Variants in MMP26 observed in about 807,000 individuals in gnomAD.
The protein encoded by MMP26 is matrix metalloproteinase-26.
A neutral mutation model predicts 31.0 loss-of-function variants in MMP26; 33 were observed. The observed-to-expected ratio is 1.06, with a 90% CI of 0.81 to 1.42. The LOEUF is 1.42. Among genes scored for constraint, MMP26 ranks in the 40% most tolerant of loss-of-function variants. The probability of loss-of-function intolerance (pLI) is 0.00; values close to 1 mark genes in which losing one functional copy is unlikely to be tolerated. For synonymous variants in MMP26, 122 were observed against 114.9 expected, an observed-to-expected ratio of 1.06 and a Z score of -0.40; for missense variants, 347 against 316.1, an observed-to-expected ratio of 1.10 and a Z score of -0.74.
At chr11:4,889,359 C>T (rs1850585405) in intron 2 of MMP26, among the ~76,000 whole-genome samples, 1 of 152,114 alleles carries the variant, frequency 6.6e-6, no homozygotes, top group Non-Finnish European at 1.5e-5. Context: ...AGTTGTTATG[C>T]TGTATTGTTC....
chr11:4,944,870 A>T (rs1479936190), intron 2 of MMP26: 3 of 152,158 alleles, frequency 2.0e-5, no homozygotes, highest in Non-Finnish European at 2.9e-5. Context: ...ACCTTGAAGA[A>T]ATATTACTGA....
rs1846325259 is a variant in MMP26 at position 4,947,140 on chromosome 11, T to C, written c.-144-40928T>C. On this transcript the variant is annotated intron_variant, in intron 2 of 7. Coordinates refer to ENST00000380390, the MANE Select transcript of MMP26 (RefSeq NM_021801.5). ...GCTCTGCTATGAAAAATACAGATGC[T>C]TGTGTTGGTAAAATAGGAATATCTG... 2 of 999,460 alleles carry C rather than the reference T, an allele frequency of 2.0e-6. 1 individual carries two copies. Among genetic ancestry groups the C allele is most frequent in the African/African-American group, 3.5e-5 (2 of 56,934 alleles). The allele number at this position is 999,460 out of a possible 1,614,324, so 61.9% of individuals were successfully genotyped here. A position where few individuals can be genotyped will look rare whatever the true frequency, so the allele number is the denominator to read the frequency against.
chr11:4,737,974 G>A (rs984645014), intron 1 of MMP26, among the ~76,000 whole-genome samples: 1 of 152,098 alleles, frequency 6.6e-6, no homozygotes, highest in Non-Finnish European at 1.5e-5. Flanking sequence ...TAGTCACCAT[G>A]CCCCACTATT....
chr11:4,827,743 GAAGA>G (rs1849596925), intron 2 of MMP26, among the ~76,000 whole-genome samples: 1 of 151,628 alleles, frequency 6.6e-6, no homozygotes, highest in Non-Finnish European at 1.5e-5. Context: ...GAAAAAAATA[GAAGA>G]AAGATAATAG....
intron 2 of MMP26, among the ~76,000 whole-genome samples, chr11:4,778,935 C>T (rs10836624): frequency 0.095 from 14,464 of 151,974 alleles, 739 homozygotes; most frequent in Middle Eastern, 0.14. Flanking sequence ...ATCCAGTTAT[C>T]TTGCTTAATA....
chr11:4,951,292 AT>A (rs1846371135), intron 2 of MMP26, among the ~76,000 whole-genome samples: 1 of 124,168 alleles, frequency 8.1e-6, no homozygotes, highest in African/African-American at 2.7e-5. Context: ...TTCAAATGGC[AT>A]ATTTCTGGGT....
At chr11:4,723,883 G>A in intron 1 of MMP26, 2 of 1,167,186 alleles carry the variant, frequency 1.7e-6, no homozygotes, top group Non-Finnish European at 2.6e-6. Context: ...GCTGTTGAGG[G>A]TCTTGATCTG....
chr11:4,761,464 G>T (rs948816179), intron 1 of MMP26, among the ~76,000 whole-genome samples: 2 of 152,110 alleles, frequency 1.3e-5, no homozygotes, highest in Admixed American at 6.5e-5. Flanking sequence ...TTACTCAGCT[G>T]GGATAAGTGT....
chr11:4,883,772 T>A (rs1461713727), intron 2 of MMP26, among the ~76,000 whole-genome samples: 1 of 152,122 alleles, frequency 6.6e-6, no homozygotes, highest in South Asian at 2.1e-4. Flanking sequence ...AATTTCTAGA[T>A]TGCCTTTATT....
intron 2 of MMP26, among the ~76,000 whole-genome samples, chr11:4,853,466 A>T (rs1226645516): frequency 6.6e-6 from 1 of 152,206 alleles, no homozygotes; most frequent in Admixed American, 6.5e-5. Flanking sequence ...GAAAACCCTT[A>T]GCAAGCCTTA....
chr11:4,892,035 A>T (rs1451173260), intron 2 of MMP26, among the ~76,000 whole-genome samples: 1 of 152,142 alleles, frequency 6.6e-6, no homozygotes, highest in Non-Finnish European at 1.5e-5. Context: ...AGACATATAA[A>T]GCATATCCAT....
intron 6 of MMP26, 117 bp from the exon 7 acceptor site, chr11:4,991,847 T>G: frequency 1.0e-6 from 1 of 970,612 alleles, no homozygotes; most frequent in South Asian, 2.0e-5. Flanking sequence ...CTTTACCCTG[T>G]AACATTTGCC....
Position 4,769,784 on chromosome 11 carries a change from C to T in MMP26, c.-145+2443C>T, listed in dbSNP as rs757498972. On this transcript the variant is annotated intron_variant, in intron 2 of 7. Transcript: ENST00000380390. ...GGTAATGATGACAAACAGGATCACG[C>T]TGTTCCCAGAGAGGGCAATGGCATA... 2 of 1,613,756 alleles carry T rather than the reference C, an allele frequency of 1.2e-6. No individual in the cohort carries two copies. The highest frequency in any genetic ancestry group is 3.3e-5 in the Admixed American group (2 of 59,994).
At chr11:4,888,345 C>G (rs996696706) in intron 2 of MMP26, among the ~76,000 whole-genome samples, 4 of 151,998 alleles carry the variant, frequency 2.6e-5, no homozygotes, top group African/African-American at 4.8e-5. Flanking sequence ...AAATATGAAA[C>G]TATAACAATG....
rs552447478 is a variant in MMP26, at chr11:4,798,002, T to G, written c.-145+30661T>G. 8.1e-4 allele frequency among the ~76,000 whole-genome samples: 124 copies of G among 152,338 alleles called. 1 individual carries two copies. Among genetic ancestry groups the G allele is most frequent in the Non-Finnish European group, 7.2e-4 (49 of 68,028 alleles). On this transcript the variant is annotated intron_variant, in intron 2 of 7. Coordinates refer to ENST00000380390, the MANE Select transcript of MMP26 (RefSeq NM_021801.5). ...TCATCTACAAAGTGGAATTGGATGA[T>G]TACATTGACTTCACATGCTGAAATG...
At chr11:4,907,516 A>G (rs765818356) in intron 2 of MMP26, 2 of 1,613,988 alleles carry the variant, frequency 1.2e-6, no homozygotes, top group South Asian at 1.1e-5. Context: ...TCTTTATTAT[A>G]AAGACAGAGC....
chr11:4,766,891 T>C (rs1848639224), intron 1 of MMP26, among the ~76,000 whole-genome samples: 1 of 152,120 alleles, frequency 6.6e-6, no homozygotes, highest in Non-Finnish European at 1.5e-5. Flanking sequence ...CTTATTGTGA[T>C]AATGTTAGTA....
intron 1 of MMP26, chr11:4,710,509 T>C (rs553314535): frequency 2.4e-6 from 1 of 417,776 alleles, no homozygotes; most frequent in Non-Finnish European, 4.9e-6. Flanking sequence ...TCTAAGCTAA[T>C]TTAGGGAAGT....
chr11:4,820,183 G>C (rs1849476061), intron 2 of MMP26, among the ~76,000 whole-genome samples: 1 of 152,058 alleles, frequency 6.6e-6, no homozygotes, highest in Admixed American at 6.5e-5. Context: ...AAGGCATTGA[G>C]GTTAGATATG....
Sources: gnomAD v4.1 joint callset for allele counts (sites outside exome capture counted in the v4.1 genomes callset) on GRCh38, gnomAD v4.1.1 for gene constraint, MANE v1.5 for transcripts, NCBI Gene and HGNC (gene_info 2026-07-23, HGNC 2026-07-21) for gene names.